ST6GALNAC5: variants seen among roughly 807,000 people sequenced by gnomAD.
ST6GALNAC5 encodes the protein ST6 N-acetylgalactosaminide alpha-2,6-sialyltransferase 5.
ST6GALNAC5 carries 27 observed loss-of-function variants against 33.6 expected under a neutral mutation model. That is an observed-to-expected ratio of 0.80 (90% CI 0.59 to 1.11). The LOEUF (loss-of-function observed/expected upper bound fraction) is 1.11. ST6GALNAC5 is among the 50% of genes least tolerant of loss of function. ST6GALNAC5 has a pLI of 0.00. For synonymous variants in ST6GALNAC5, 194 were observed against 171.2 expected (o/e 1.13, Z -1.04); for missense variants, 428 against 454.0 (o/e 0.94, Z 0.52).
intron 2 of ST6GALNAC5, among the ~76,000 whole-genome samples, chr1:76,976,517 A>C (rs558982678): frequency 4.2e-4 from 64 of 152,246 alleles, no homozygotes; most frequent in African/African-American, 1.5e-3. Flanking sequence ...TTAAAGATTT[A>C]ATAAAAGTTC....
chr1:76,971,818 C>T (rs567939484), intron 2 of ST6GALNAC5, among the ~76,000 whole-genome samples: 271 of 152,246 alleles, frequency 1.8e-3, no homozygotes, highest in Admixed American at 4.9e-3. Context: ...TTCACACCAT[C>T]GTAAAGTCAA....
At chr1:76,895,769 A>T (rs1442053565) in intron 2 of ST6GALNAC5, among the ~76,000 whole-genome samples, 1 of 152,144 alleles carries the variant, frequency 6.6e-6, no homozygotes, top group Non-Finnish European at 1.5e-5. Flanking sequence ...GTATGACTAG[A>T]CAGAAGATAG....
chr1:76,937,135 A>G (rs960552693), intron 2 of ST6GALNAC5, among the ~76,000 whole-genome samples: 2 of 152,040 alleles, frequency 1.3e-5, no homozygotes, highest in African/African-American at 4.8e-5. Context: ...TTAACAACAT[A>G]GCAGCACTAA....
At chr1:76,952,289 A>G (rs1647780461) in intron 2 of ST6GALNAC5, among the ~76,000 whole-genome samples, 1 of 152,088 alleles carries the variant, frequency 6.6e-6, no homozygotes, top group Non-Finnish European at 1.5e-5. Flanking sequence ...TTTCACTATT[A>G]TGCACTGAAT....
Position 77,027,523 on chromosome 1 carries a change from C to A in ST6GALNAC5, c.262-16681C>A, listed in dbSNP as rs542849998. On this transcript the variant is annotated intron_variant, in intron 2 of 4. Coordinates refer to ENST00000477717, the MANE Select transcript of ST6GALNAC5 (RefSeq NM_030965.3). ...ATAACCGAGTTGGAGTAATTCAGGG[C>A]AGAGATGGTGGAGGGCTGGACTGAG... Among the ~76,000 whole-genome samples, 3 of 152,154 alleles carry A rather than the reference C, an allele frequency of 2.0e-5. No homozygotes were observed. The East Asian group carries it at 5.8e-4, about 29-fold the overall frequency.
chr1:76,957,394 G>T (rs1016882818), intron 2 of ST6GALNAC5, among the ~76,000 whole-genome samples: 2 of 152,150 alleles, frequency 1.3e-5, no homozygotes, highest in African/African-American at 4.8e-5. Flanking sequence ...GAATGCAATT[G>T]TATTGGATTT....
intron 2 of ST6GALNAC5, among the ~76,000 whole-genome samples, chr1:77,039,311 G>A (rs1195104789): frequency 6.6e-6 from 1 of 152,142 alleles, no homozygotes; most frequent in Non-Finnish European, 1.5e-5. Flanking sequence ...GGGCTTAATG[G>A]TCCTTACTGT....
intron 2 of ST6GALNAC5, among the ~76,000 whole-genome samples, chr1:76,947,523 G>A (rs1263976164): frequency 6.6e-6 from 1 of 152,042 alleles, no homozygotes; most frequent in Non-Finnish European, 1.5e-5. Flanking sequence ...GATTGCTTGA[G>A]CTCAGAAGTT....
rs5775365 is a variant in ST6GALNAC5 at position 76,872,118 on chromosome 1, CCA to C, written c.261+3383_261+3384del. ...ACACACACACACACACACACACACA[CCA>C]CACACATTAAATCAAGAAATACTCA... On this transcript the variant is annotated intron_variant, in intron 2 of 4. Transcript: ENST00000477717. Among the ~76,000 whole-genome samples the C allele has an allele frequency of 4.5e-3, 568 of 126,998 alleles. 3 individuals are homozygous for C. Among genetic ancestry groups the C allele is most frequent in the African/African-American group, 0.017 (504 of 28,828 alleles). The allele number at this position is 126,998 out of a possible 152,430, so 83.3% of individuals were successfully genotyped here. A position where few individuals can be genotyped will look rare whatever the true frequency, so the allele number is the denominator to read the frequency against.
intron 4 of ST6GALNAC5, among the ~76,000 whole-genome samples, chr1:77,061,858 G>C (rs1339401826): frequency 6.6e-6 from 1 of 152,200 alleles, no homozygotes; most frequent in African/African-American, 2.4e-5. Context: ...GGCTGAGACA[G>C]AGATATAGAG....
intron 2 of ST6GALNAC5, among the ~76,000 whole-genome samples, chr1:76,900,979 C>A (rs1416673337): frequency 6.6e-6 from 1 of 152,056 alleles, no homozygotes. Context: ...ACATTGTTAG[C>A]CTCACTAGAT....
intron 2 of ST6GALNAC5, among the ~76,000 whole-genome samples, chr1:76,886,649 C>G (rs565758335): frequency 6.6e-6 from 1 of 152,138 alleles, no homozygotes; most frequent in African/African-American, 2.4e-5. Flanking sequence ...TGGATGTTTC[C>G]TAAATTTGTC....
chr1:76,873,438 A>G (rs1653555579), intron 2 of ST6GALNAC5, among the ~76,000 whole-genome samples: 1 of 152,216 alleles, frequency 6.6e-6, no homozygotes, highest in Non-Finnish European at 1.5e-5. Context: ...CTTGTTGACC[A>G]GTTTAACCCC....
intron 2 of ST6GALNAC5, among the ~76,000 whole-genome samples, chr1:77,014,681 T>A (rs1650758594): frequency 6.6e-6 from 1 of 152,188 alleles, no homozygotes; most frequent in Non-Finnish European, 1.5e-5. Context: ...GATTTCCACA[T>A]AAGCTTCCTC....
chr1:77,038,501 A>T (rs1459737639), intron 2 of ST6GALNAC5, among the ~76,000 whole-genome samples: 4 of 152,240 alleles, frequency 2.6e-5, no homozygotes, highest in Admixed American at 2.0e-4. Context: ...TTACTGAGCT[A>T]ATGGACATTA....
At chr1:76,920,781 T>C (rs1394431351) in intron 2 of ST6GALNAC5, among the ~76,000 whole-genome samples, 3 of 152,150 alleles carry the variant, frequency 2.0e-5, no homozygotes, top group African/African-American at 7.2e-5. Context: ...GGAGAGTAAC[T>C]GACAAGCCAA....
At position 77,013,295 on chromosome 1, in the gene ST6GALNAC5, A is replaced by T. The variant is rs542459238; in HGVS notation, c.262-30909A>T. Among the ~76,000 whole-genome samples, 44 of 152,236 alleles carry T rather than the reference A, an allele frequency of 2.9e-4. 1 individual carries two copies. Among genetic ancestry groups the T allele is most frequent in the African/African-American group, 9.6e-4 (40 of 41,536 alleles). On this transcript the variant is annotated intron_variant, in intron 2 of 4. Transcript: ENST00000477717. The stretch of plus-strand genomic sequence containing the variant: ...ACTCTGTGATTCTATGCACAATTTC[A>T]TGCTAATATTCACCTGGACAATGGA...
chr1:76,884,548 A>T (rs944195951), intron 2 of ST6GALNAC5, among the ~76,000 whole-genome samples: 1 of 152,190 alleles, frequency 6.6e-6, no homozygotes, highest in Non-Finnish European at 1.5e-5. Flanking sequence ...GCTTTATTCT[A>T]GAAGAGTCCC....
intron 2 of ST6GALNAC5, among the ~76,000 whole-genome samples, chr1:77,022,908 C>T (rs373863475): frequency 2.4e-4 from 36 of 152,280 alleles, no homozygotes; most frequent in African/African-American, 7.9e-4. Flanking sequence ...CACATTGTGT[C>T]TCCCCAAATT....
Sources: allele counts gnomAD v4.1 joint callset (sites outside exome capture counted in the v4.1 genomes callset), GRCh38; gene constraint gnomAD v4.1.1; transcripts MANE v1.5; gene names NCBI Gene and HGNC (gene_info 2026-07-23, HGNC 2026-07-21).